The following IQCM variants were observed in gnomAD, a reference collection of about 807,000 sequenced individuals.
IQCM encodes the protein IQ domain-containing protein M.
In IQCM, 45 loss-of-function variants were observed where a neutral mutation model predicts 57.6. That is an observed-to-expected ratio of 0.78 (90% confidence interval 0.62 to 1.00). IQCM has a LOEUF of 1.00. Among genes scored for constraint, IQCM ranks in the 50% least tolerant of loss-of-function variants. The pLI is 0.00. For missense variants in IQCM, 468 were observed against 511.6 expected (o/e 0.91, Z 0.82); for synonymous variants, 148 against 158.9 (o/e 0.93, Z 0.51).
intron 2 of IQCM, among the ~76,000 whole-genome samples, chr4:149,808,459 T>A (rs1774275185): frequency 6.6e-6 from 1 of 152,260 alleles, no homozygotes; most frequent in South Asian, 2.1e-4. Context: ...TACATAGCAA[T>A]AAGTTCTAAT....
intron 12 of IQCM, among the ~76,000 whole-genome samples, chr4:149,531,039 A>G (rs1746695425): frequency 1.3e-5 from 2 of 152,164 alleles, no homozygotes; most frequent in Non-Finnish European, 2.9e-5. Context: ...AAAAACTTCC[A>G]TACTTCATGT....
In IQCM at chr4:149,755,749, A is replaced by G. The variant is rs1317330163; in HGVS notation, c.-48-13010T>C. On this transcript the variant is annotated intron_variant, in intron 2 of 13. Transcript: ENST00000636793. ...TGTATTTTCTCTTCCTCCTGGACCC[A>G]TAGCTGGACTACTTTTTCCAGGTGC... Among the ~76,000 whole-genome samples the G allele has an allele frequency of 2.0e-5, 3 of 152,180 alleles. No homozygotes were observed. The East Asian group carries it at 5.8e-4, about 29-fold the overall frequency.
At chr4:149,642,851 G>C (rs1009292284) in intron 7 of IQCM, among the ~76,000 whole-genome samples, 9 of 152,036 alleles carry the variant, frequency 5.9e-5, no homozygotes, top group African/African-American at 2.2e-4. Flanking sequence ...ATGTATTCTA[G>C]AGAGAAAACG....
At chr4:149,389,128 G>T (rs1218245663) in intron 13 of IQCM, among the ~76,000 whole-genome samples, 1 of 151,600 alleles carries the variant, frequency 6.6e-6, no homozygotes, top group Non-Finnish European at 1.5e-5. Flanking sequence ...CACCCTTATG[G>T]TTATGCATAT....
intron 2 of IQCM, among the ~76,000 whole-genome samples, chr4:149,807,923 G>T (rs908839282): frequency 1.1e-4 from 17 of 151,950 alleles, no homozygotes; most frequent in African/African-American, 4.1e-4. Context: ...AATAACAAAC[G>T]CTGGTGATGA....
intron 8 of IQCM, among the ~76,000 whole-genome samples, chr4:149,620,651 C>T (rs894049197): frequency 3.3e-5 from 5 of 152,218 alleles, no homozygotes; most frequent in Non-Finnish European, 7.3e-5. Context: ...ACCAATTCTA[C>T]TTTCAGATCA....
At chr4:149,615,888 T>C (rs1027578283) in intron 8 of IQCM, among the ~76,000 whole-genome samples, 10 of 152,156 alleles carry the variant, frequency 6.6e-5, no homozygotes, top group African/African-American at 9.7e-5. Context: ...GTCTTCTGAA[T>C]TGATAAAACA....
chr4:149,481,790 A>G (rs1166935821), intron 12 of IQCM, among the ~76,000 whole-genome samples: 1 of 139,448 alleles, frequency 7.2e-6, no homozygotes, highest in African/African-American at 2.6e-5. Context: ...TTAGGATCCA[A>G]AAAAAATTTA....
intron 5 of IQCM, among the ~76,000 whole-genome samples, chr4:149,713,390 T>C (rs1373171843): frequency 6.6e-6 from 1 of 152,190 alleles, no homozygotes; most frequent in Non-Finnish European, 1.5e-5. Context: ...AAGCCCTAGT[T>C]AAATGTCTTT....
chr4:149,666,883 C>G (rs923233183), intron 7 of IQCM, among the ~76,000 whole-genome samples: 2 of 152,120 alleles, frequency 1.3e-5, no homozygotes, highest in East Asian at 3.9e-4. Flanking sequence ...CTATATTCCT[C>G]CTCCCTGGGC....
At chr4:149,481,710 T>TTTTTTTGTTTG (rs1560896063) in intron 12 of IQCM, among the ~76,000 whole-genome samples, 1 of 138,456 alleles carries the variant, frequency 7.2e-6, no homozygotes, top group African/African-American at 2.6e-5. Flanking sequence ...TGTTTTTTTT[T>TTTTTTTGTTTG]TTTTTTTTTT....
intron 12 of IQCM, 106 bp from the exon 13 acceptor site, chr4:149,433,663 G>A: frequency 2.4e-6 from 1 of 422,350 alleles, no homozygotes; most frequent in Non-Finnish European, 3.9e-6. Flanking sequence ...GATACAACAG[G>A]TCACACTGAA....
At chr4:149,392,534 AT>A (rs971339018) in intron 13 of IQCM, among the ~76,000 whole-genome samples, 3 of 151,496 alleles carry the variant, frequency 2.0e-5, no homozygotes, top group Non-Finnish European at 4.4e-5. Context: ...TACTAGGAAG[AT>A]TTTTTTTTCA....
intron 13 of IQCM, among the ~76,000 whole-genome samples, chr4:149,403,450 G>C (rs1054563289): frequency 6.6e-6 from 1 of 151,916 alleles, no homozygotes; most frequent in Non-Finnish European, 1.5e-5. Flanking sequence ...TAGTTTAAAG[G>C]ATCTTCAATT....
chr4:149,448,791 G>A (rs1736777611), intron 12 of IQCM, among the ~76,000 whole-genome samples: 1 of 151,666 alleles, frequency 6.6e-6, no homozygotes, highest in Non-Finnish European at 1.5e-5. Flanking sequence ...TAGGAGAAAT[G>A]GGAAAGCTGT....
At chr4:149,590,296 G>A (rs1202910959) in intron 8 of IQCM, among the ~76,000 whole-genome samples, 30 of 101,046 alleles carry the variant, frequency 3.0e-4, no homozygotes, top group Middle Eastern at 0.019. Flanking sequence ...AGTAAATATC[G>A]CCTTTGTTAT....
At chr4:149,678,761 A>T (rs973356579) in intron 7 of IQCM, among the ~76,000 whole-genome samples, 3 of 151,690 alleles carry the variant, frequency 2.0e-5, no homozygotes, top group Non-Finnish European at 4.4e-5. Flanking sequence ...GTTTCAAAAA[A>T]AGACATACGA....
chr4:149,538,614 T>C (rs113743088), intron 12 of IQCM, among the ~76,000 whole-genome samples: 6 of 151,926 alleles, frequency 3.9e-5, no homozygotes, highest in Non-Finnish European at 1.5e-5. Flanking sequence ...TCAAACTCTA[T>C]GCTCTCTATA....
rs574589902 is a variant in IQCM at position 149,361,824 on chromosome 4, C to T, written c.1391-9758G>A. Reference sequence around the variant, plus strand: ...CCCACACAGAGTCCCTACTGGGGCACAGGAGAGCTGTGAGAAGAGGGCCAC... The same window carrying T: ...CCCACACAGAGTCCCTACTGGGGCATAGGAGAGCTGTGAGAAGAGGGCCAC... On this transcript the variant is annotated intron_variant, in intron 13 of 13. Coordinates refer to ENST00000636793, the MANE Select transcript of IQCM (RefSeq NM_001363507.2). 9.2e-5 allele frequency among the ~76,000 whole-genome samples: 14 copies of T among 152,262 alleles called. No homozygotes were observed. The South Asian group carries it at 1.0e-3, about 11-fold the overall frequency.
Sources: allele counts gnomAD v4.1 joint callset (sites outside exome capture counted in the v4.1 genomes callset), GRCh38; gene constraint gnomAD v4.1.1; transcripts MANE v1.5; gene names NCBI Gene and HGNC (gene_info 2026-07-23, HGNC 2026-07-21).